Variants in RNF6 observed in about 807,000 individuals in gnomAD.
The protein encoded by RNF6 is E3 ubiquitin-protein ligase RNF6.
RNF6 carries 21 observed loss-of-function variants against 50.1 expected under a neutral mutation model. That is an observed-to-expected ratio of 0.42 (90% CI 0.30 to 0.60). RNF6 has a LOEUF of 0.60. Among genes scored for constraint, RNF6 ranks in the 20% least tolerant of loss-of-function variants. The pLI is 0.20. For synonymous variants in RNF6, 255 were observed against 291.8 expected (o/e 0.87, Z 1.29); for missense variants, 698 against 838.2 (o/e 0.83, Z 2.07).
chr13:26,210,219 G>A (rs369271063), downstream of RNF6, among the ~76,000 whole-genome samples: 18 of 152,166 alleles, frequency 1.2e-4, no homozygotes, highest in East Asian at 9.6e-4. Flanking sequence ...GCACAGGACT[G>A]AATGAGAGAC....
chr13:26,193,945 A>G (rs2137690649), intron 5 of RNF6, among the ~76,000 whole-genome samples: 1 of 152,326 alleles, frequency 6.6e-6, no homozygotes, highest in Non-Finnish European at 1.5e-5. Context: ...TTCTTAGTGA[A>G]ATAGAGAGTA....
At chr13:26,145,592 C>G (rs9581558) in intron 5 of RNF6, among the ~76,000 whole-genome samples, 3 of 152,172 alleles carry the variant, frequency 2.0e-5, no homozygotes, top group African/African-American at 7.2e-5. Context: ...TTCCCCTTCA[C>G]CTTCCACCAT....
chr13:26,201,483 G>T (rs1868895996), intron 5 of RNF6, among the ~76,000 whole-genome samples: 1 of 152,170 alleles, frequency 6.6e-6, no homozygotes, highest in Admixed American at 6.5e-5. Context: ...GAAGATAAAT[G>T]GTGGGGGATG....
intron 5 of RNF6, among the ~76,000 whole-genome samples, chr13:26,185,838 C>T (rs952727973): frequency 7.9e-5 from 12 of 152,200 alleles, no homozygotes; most frequent in Admixed American, 2.6e-4. Flanking sequence ...AACTACGAAC[C>T]TTGTGCCTTT....
intron 5 of RNF6, among the ~76,000 whole-genome samples, chr13:26,175,057 C>T (rs1476897082): frequency 1.3e-5 from 2 of 152,116 alleles, no homozygotes; most frequent in Non-Finnish European, 2.9e-5. Flanking sequence ...CACTATTAAC[C>T]AAGATGCTCC....
chr13:26,194,264 A>G (rs1868573556), intron 5 of RNF6, among the ~76,000 whole-genome samples: 1 of 152,196 alleles, frequency 6.6e-6, no homozygotes. Flanking sequence ...AAAGCAGGGG[A>G]GAGGCAAGAG....
intron 5 of RNF6, among the ~76,000 whole-genome samples, chr13:26,137,956 T>A (rs967589343): frequency 1.3e-5 from 2 of 152,048 alleles, no homozygotes; most frequent in African/African-American, 4.8e-5. Flanking sequence ...GGCCAAAAGC[T>A]ACCCCAATGT....
At chr13:26,176,940 A>C (rs1003193654) in intron 5 of RNF6, among the ~76,000 whole-genome samples, 1 of 152,204 alleles carries the variant, frequency 6.6e-6, no homozygotes, top group Admixed American at 6.5e-5. Flanking sequence ...TCTCAAAAAA[A>C]CAAACTAACA....
chr13:26,132,439 T>C, exon 6 of RNF6: 1 of 460,598 alleles, frequency 2.2e-6, no homozygotes, highest in African/African-American at 2.0e-5. Context: ...CTTCAGCTTG[T>C]ATCTGGCAAA....
intron 5 of RNF6, among the ~76,000 whole-genome samples, chr13:26,146,980 G>A (rs985366131): frequency 7.9e-5 from 12 of 152,244 alleles, no homozygotes; most frequent in African/African-American, 2.6e-4. Flanking sequence ...TACCAGCCAT[G>A]ATTCTTGTAC....
chr13:26,184,626 C>T (rs921199881), intron 5 of RNF6, among the ~76,000 whole-genome samples: 4 of 152,174 alleles, frequency 2.6e-5, no homozygotes, highest in Non-Finnish European at 5.9e-5. Flanking sequence ...CATGATGTTA[C>T]AGAGACGAAC....
intron 5 of RNF6, among the ~76,000 whole-genome samples, chr13:26,168,457 G>A (rs1057230694): frequency 2.0e-5 from 3 of 152,210 alleles, no homozygotes; most frequent in Admixed American, 6.5e-5. Context: ...TCCATATGAA[G>A]TGTCGTTTTT....
chr13:26,214,503 A>G lies in RNF6; in HGVS notation c.1379T>C (p.Ile460Thr). ...AGAAATCCTACGAAGAGGAACTGTT[A>G]TGGTACTAACATAGGTTCGAATACC... ...RSGIRTYVST[I>T]TVPLRRISEN... The change falls in exon 5 of 5, where the codon ATA becomes ACA. Residue 460 changes from isoleucine (I) to threonine (T), a missense_variant. Physicochemically the swap from Ile to Thr is moderately conservative, Grantham distance 89. Transcript: ENST00000381588. 6.2e-7 allele frequency: 1 copy of G among 1,614,204 alleles called. No homozygotes were observed. Among genetic ancestry groups the G allele is most frequent in the South Asian group, 1.1e-5 (1 of 91,080 alleles).
chr13:26,195,854 T>C (rs1197858074), intron 5 of RNF6, among the ~76,000 whole-genome samples: 1 of 152,178 alleles, frequency 6.6e-6, no homozygotes, highest in African/African-American at 2.4e-5. Flanking sequence ...TGGTAACTTC[T>C]CTCAAGATGA....
At chr13:26,171,322 G>A (rs555400048) in intron 5 of RNF6, among the ~76,000 whole-genome samples, 17 of 152,242 alleles carry the variant, frequency 1.1e-4, no homozygotes, top group African/African-American at 3.1e-4. Flanking sequence ...TTAGGGAAGC[G>A]CAAATCAAAA....
upstream of RNF6, among the ~76,000 whole-genome samples, chr13:26,222,960 C>G (rs1870657615): frequency 6.6e-6 from 1 of 152,144 alleles, no homozygotes; most frequent in Non-Finnish European, 1.5e-5. Context: ...GTTTGAAACT[C>G]CCAACATTCC....
chr13:26,208,832 A>C (rs1566434434), downstream of RNF6, among the ~76,000 whole-genome samples: 5 of 152,238 alleles, frequency 3.3e-5, 1 homozygote, highest in South Asian at 1.0e-3. Flanking sequence ...ACTGGTCTGA[A>C]ATGCAATGAA....
intron 5 of RNF6, among the ~76,000 whole-genome samples, chr13:26,175,370 T>G (rs1464169928): frequency 1.3e-5 from 2 of 152,284 alleles, no homozygotes; most frequent in Admixed American, 1.3e-4. Flanking sequence ...CGTGAGCCAC[T>G]GCACCCAGCC....
At chr13:26,216,823 C>T (rs1475453283) in intron 4 of RNF6, among the ~76,000 whole-genome samples, 6 of 152,040 alleles carry the variant, frequency 3.9e-5, no homozygotes, top group African/African-American at 1.4e-4. Flanking sequence ...GGCATGGTGG[C>T]GTGCGCCTGT....
Sources: gnomAD v4.1 joint callset for allele counts (sites outside exome capture counted in the v4.1 genomes callset) on GRCh38, gnomAD v4.1.1 for gene constraint, MANE v1.5 for transcripts, NCBI Gene and HGNC (gene_info 2026-07-23, HGNC 2026-07-21) for gene names.